Variants in EPHA6 observed in about 807,000 individuals in gnomAD.
EPHA6 encodes the protein EPH receptor A6.
EPHA6 carries 50 observed loss-of-function variants against 112.0 expected under a neutral mutation model. The ratio of observed to expected loss-of-function variants is 0.45; its 90% confidence interval spans 0.36 to 0.56. EPHA6 has a LOEUF of 0.56. EPHA6 is among the 20% of genes least tolerant of loss of function. The probability of loss-of-function intolerance (pLI) is 0.00; values close to 1 mark genes in which losing one functional copy is unlikely to be tolerated. For missense variants in EPHA6, 1,280 were observed against 1,417.4 expected (o/e 0.90, Z 1.56); for synonymous variants, 529 against 490.7 (o/e 1.08, Z -1.03).
chr3:97,318,413 A>G (rs980425586), intron 5 of EPHA6, among the ~76,000 whole-genome samples: 3 of 152,024 alleles, frequency 2.0e-5, no homozygotes, highest in Admixed American at 2.0e-4. Context: ...GTGCCCACCT[A>G]TCGAACTCTG....
chr3:97,505,033 C>T (rs1276944386), intron 10 of EPHA6, among the ~76,000 whole-genome samples: 2 of 151,940 alleles, frequency 1.3e-5, no homozygotes, highest in African/African-American at 4.8e-5. Flanking sequence ...TTACCTTTGT[C>T]ATCCCCAGAA....
Position 97,592,639 on chromosome 3 carries a change from C to A in EPHA6, c.2414C>A (p.Ala805Glu), listed in dbSNP as rs4857276. 6.2e-7 allele frequency: 1 copy of A among 1,613,298 alleles called. No homozygotes were observed. Among genetic ancestry groups the A allele is most frequent in the Non-Finnish European group, 8.5e-7 (1 of 1,179,624 alleles). ...KRSFPAIGVEAFCPSFLRAGF... is the reference protein window; with the variant it reads ...KRSFPAIGVEEFCPSFLRAGF... ...TCCTTCCCGGCCATTGGGGTGGAGG[C>A]GTTTTGCCCCAGCTTCCTGAGGGCA... Residue 805 changes from alanine (A) to glutamate (E), a missense_variant, in exon 12 of 18, where the codon GCG (alanine) becomes GAG (glutamate). Transcript: ENST00000389672.
chr3:96,995,447 A>T (rs1413952795), intron 3 of EPHA6, among the ~76,000 whole-genome samples: 3 of 152,156 alleles, frequency 2.0e-5, no homozygotes, highest in Non-Finnish European at 2.9e-5. Context: ...CAGCTTTTTC[A>T]TGAAGCAATT....
intron 14 of EPHA6, among the ~76,000 whole-genome samples, chr3:97,687,905 G>T (rs2032369349): frequency 1.3e-5 from 2 of 152,206 alleles, no homozygotes; most frequent in Admixed American, 6.5e-5. Context: ...GAGGTACAGG[G>T]CAAGAATGCC....
chr3:97,098,137 A>C (rs2047298731), intron 3 of EPHA6, among the ~76,000 whole-genome samples: 1 of 151,910 alleles, frequency 6.6e-6, no homozygotes, highest in Admixed American at 6.6e-5. Context: ...TGGTATCATT[A>C]ATGCTCTCAT....
chr3:97,407,879 G>A (rs938027552), intron 6 of EPHA6, among the ~76,000 whole-genome samples: 6 of 151,880 alleles, frequency 4.0e-5, no homozygotes, highest in Middle Eastern at 3.2e-3. Context: ...TATTCATATC[G>A]AAGAGCAAGT....
chr3:96,936,567 T>C (rs1005348202), intron 2 of EPHA6, among the ~76,000 whole-genome samples: 1 of 151,752 alleles, frequency 6.6e-6, no homozygotes, highest in East Asian at 1.9e-4. Context: ...ATAATATTGC[T>C]CTTGGGTTTT....
At chr3:97,332,006 C>A (rs2082824502) in intron 5 of EPHA6, among the ~76,000 whole-genome samples, 1 of 152,122 alleles carries the variant, frequency 6.6e-6, no homozygotes, top group Non-Finnish European at 1.5e-5. Flanking sequence ...CAAAAATCCT[C>A]AATAAAATAC....
chr3:97,279,247 T>C (rs959176474), intron 5 of EPHA6, among the ~76,000 whole-genome samples: 1 of 152,196 alleles, frequency 6.6e-6, no homozygotes, highest in Non-Finnish European at 1.5e-5. Context: ...TATTTTTTAA[T>C]CTATTGATAT....
intron 14 of EPHA6, among the ~76,000 whole-genome samples, chr3:97,661,180 C>A (rs573433303): frequency 9.2e-5 from 14 of 152,238 alleles, no homozygotes; most frequent in African/African-American, 3.1e-4. Flanking sequence ...TTATACACTG[C>A]ACTTTTCATA....
chr3:97,622,988 A>G (rs977213358), intron 13 of EPHA6, among the ~76,000 whole-genome samples: 3 of 151,524 alleles, frequency 2.0e-5, no homozygotes, highest in African/African-American at 7.3e-5. Context: ...AGTTCTCTAT[A>G]TAGGATGGAT....
At chr3:97,491,402 G>A (rs886515263) in intron 10 of EPHA6, among the ~76,000 whole-genome samples, 2 of 152,158 alleles carry the variant, frequency 1.3e-5, no homozygotes, top group African/African-American at 4.8e-5. Flanking sequence ...TATTCTGGCA[G>A]TGCTCTTGTA....
At chr3:97,721,653 A>G (rs6793991) in intron 15 of EPHA6, among the ~76,000 whole-genome samples, 112,033 of 152,094 alleles carry the variant, frequency 0.74, 41,612 homozygotes, top group African/African-American at 0.83. Context: ...AAAGTGCATC[A>G]TAACCAGCAA....
At chr3:97,097,080 ATAT>A (rs1297698403) in intron 3 of EPHA6, among the ~76,000 whole-genome samples, 1 of 151,714 alleles carries the variant, frequency 6.6e-6, no homozygotes, top group Non-Finnish European at 1.5e-5. Flanking sequence ...TAATATTATG[ATAT>A]TATGAAAAAA....
intron 3 of EPHA6, among the ~76,000 whole-genome samples, chr3:97,124,469 A>AAAGAAAGAAAGAAAGAAAGAAAG (rs2048127427): frequency 6.0e-5 from 9 of 149,856 alleles, no homozygotes; most frequent in African/African-American, 2.2e-4. Flanking sequence ...TCTGTTTAAA[A>AAAGAAAGAAAGAAAGAAAGAAAG]AAAGAAAGAA....
intron 3 of EPHA6, among the ~76,000 whole-genome samples, chr3:97,221,245 G>A (rs2078185922): frequency 7.1e-6 from 1 of 141,188 alleles, no homozygotes; most frequent in South Asian, 2.2e-4. Context: ...GGGAGTTGAA[G>A]GTTGTGGTGA....
intron 14 of EPHA6, among the ~76,000 whole-genome samples, chr3:97,684,108 T>C (rs1277350704): frequency 6.6e-6 from 1 of 152,188 alleles, no homozygotes; most frequent in Non-Finnish European, 1.5e-5. Context: ...TATACATGTC[T>C]ACCTCCCCAT....
intron 6 of EPHA6, among the ~76,000 whole-genome samples, chr3:97,442,662 A>G (rs1267609002): frequency 6.6e-6 from 1 of 152,166 alleles, no homozygotes; most frequent in African/African-American, 2.4e-5. Context: ...AAATATATTT[A>G]TGTTTGCCCC....
intron 14 of EPHA6, among the ~76,000 whole-genome samples, chr3:97,669,345 A>G (rs1234120063): frequency 1.3e-5 from 2 of 150,304 alleles, no homozygotes; most frequent in Non-Finnish European, 3.0e-5. Context: ...CATTGTGTAG[A>G]TCAGTGTATC....
Sources: allele counts gnomAD v4.1 joint callset (sites outside exome capture counted in the v4.1 genomes callset), GRCh38; gene constraint gnomAD v4.1.1; transcripts MANE v1.5; gene names NCBI Gene and HGNC (gene_info 2026-07-23, HGNC 2026-07-21).